The following RBPJ variants were observed in gnomAD, a reference collection of about 807,000 sequenced individuals.
RBPJ encodes recombining binding protein suppressor of hairless.
In RBPJ, 9 loss-of-function variants were observed where a neutral mutation model predicts 67.8. The ratio of observed to expected loss-of-function variants is 0.13; its 90% confidence interval spans 0.08 to 0.23. The LOEUF (loss-of-function observed/expected upper bound fraction) is 0.23, where lower values mean the gene tolerates loss of function less well. Ranked by LOEUF, RBPJ falls within the 10% of genes least tolerant of loss-of-function variation. The probability of loss-of-function intolerance (pLI) is 1.00; values close to 1 mark genes in which losing one functional copy is unlikely to be tolerated. For synonymous variants in RBPJ, 198 were observed against 203.3 expected, an observed-to-expected ratio of 0.97 and a Z score of 0.22; for missense variants, 305 against 595.6, an observed-to-expected ratio of 0.51 and a Z score of 5.08.
chr4:26,176,735 G>A (rs762650350), intron 1 of RBPJ, among the ~76,000 whole-genome samples: 5 of 152,212 alleles, frequency 3.3e-5, no homozygotes, highest in Non-Finnish European at 7.3e-5. Context: ...CATTACATTC[G>A]TTTAACACAA....
In RBPJ at chr4:26,427,432, T is replaced by G. The variant is rs945427496; in HGVS notation, c.748-1288T>G. 7.9e-5 allele frequency among the ~76,000 whole-genome samples: 12 copies of G among 152,142 alleles called. 1 individual carries two copies. The highest frequency in any genetic ancestry group is 2.9e-4 in the African/African-American group (12 of 41,426). ...ATACAAGTTGAATGCAGGAGAGAAG[T>G]CTGGAGATAATAAATTTGGGAGTTG... On this transcript the variant is annotated intron_variant, in intron 7 of 10. Transcript: ENST00000355476.
chr4:26,235,828 A>G (rs1039527244), intron 1 of RBPJ, among the ~76,000 whole-genome samples: 5 of 152,246 alleles, frequency 3.3e-5, no homozygotes, highest in Middle Eastern at 3.2e-3. Flanking sequence ...AATTCCCTTT[A>G]GGGTGAGAAT....
chr4:26,152,808 G>A, the RBPJ span, among the ~76,000 whole-genome samples: 1 of 152,238 alleles, frequency 6.6e-6, no homozygotes, highest in African/African-American at 2.4e-5. Flanking sequence ...CAACCACTGT[G>A]AGACTGTCAG....
chr4:26,218,551 C>G (rs977011553), intron 1 of RBPJ, among the ~76,000 whole-genome samples: 6 of 152,154 alleles, frequency 3.9e-5, no homozygotes, highest in African/African-American at 1.4e-4. Flanking sequence ...TCTACTGGTT[C>G]CTAGTTGGTC....
At chr4:26,378,227 A>T (rs1264308510) in intron 1 of RBPJ, among the ~76,000 whole-genome samples, 2 of 152,142 alleles carry the variant, frequency 1.3e-5, no homozygotes, top group African/African-American at 4.8e-5. Context: ...GAGAGAAGTG[A>T]TGGTGTATTC....
At chr4:26,281,455 T>G (rs1721270877) in intron 1 of RBPJ, among the ~76,000 whole-genome samples, 1 of 152,136 alleles carries the variant, frequency 6.6e-6, no homozygotes, top group African/African-American at 2.4e-5. Flanking sequence ...ATTTTTTGTA[T>G]TTTTAGTAGA....
intron 1 of RBPJ, among the ~76,000 whole-genome samples, chr4:26,253,852 T>A (rs1720202350): frequency 6.7e-6 from 1 of 148,924 alleles, no homozygotes; most frequent in African/African-American, 2.6e-5. Context: ...ATTTTTACAC[T>A]AAAATTGGGG....
At chr4:26,160,020 G>A (rs892367126), upstream of RBPJ, among the ~76,000 whole-genome samples, 7 of 151,878 alleles carry the variant, frequency 4.6e-5, no homozygotes, top group South Asian at 2.1e-4. Context: ...CCGAGTTCAC[G>A]CCATTCTCCT....
At chr4:26,372,629 C>T (rs905776823) in intron 1 of RBPJ, among the ~76,000 whole-genome samples, 2 of 152,140 alleles carry the variant, frequency 1.3e-5, no homozygotes, top group East Asian at 1.9e-4. Context: ...ATTGCCACCC[C>T]GACTCACTCT....
At chr4:26,383,573 T>C (rs1311701586) in intron 1 of RBPJ, among the ~76,000 whole-genome samples, 1 of 152,234 alleles carries the variant, frequency 6.6e-6, no homozygotes, top group African/African-American at 2.4e-5. Flanking sequence ...TAATACTGCA[T>C]ATTCACATAT....
chr4:26,210,686 C>CTTTCCTTCTTTCCTTCTTTCCTT (rs56289492), intron 1 of RBPJ, among the ~76,000 whole-genome samples: 4 of 65,396 alleles, frequency 6.1e-5, no homozygotes, highest in Admixed American at 1.6e-4. Context: ...TTCTTTCTTT[C>CTTTCCTTCTTTCCTTCTTTCCTT]CTTTCTTTCT....
intron 1 of RBPJ, among the ~76,000 whole-genome samples, chr4:26,181,676 G>A (rs2109128813): frequency 6.6e-6 from 1 of 152,260 alleles, no homozygotes; most frequent in African/African-American, 2.4e-5. Flanking sequence ...CCAGTTCCTA[G>A]GCAACAAACC....
intron 1 of RBPJ, among the ~76,000 whole-genome samples, chr4:26,206,644 C>G (rs1336061536): frequency 1.3e-5 from 2 of 151,656 alleles, no homozygotes; most frequent in Admixed American, 6.6e-5. Flanking sequence ...GTCCTTCATC[C>G]AGTCAACAAA....
At chr4:26,347,789 C>A (rs986224116) in intron 1 of RBPJ, among the ~76,000 whole-genome samples, 1 of 152,068 alleles carries the variant, frequency 6.6e-6, no homozygotes, top group East Asian at 1.9e-4. Flanking sequence ...CTGTTGCTGC[C>A]TTTTCTGTAA....
intron 1 of RBPJ, among the ~76,000 whole-genome samples, chr4:26,308,371 C>G (rs1443214937): frequency 1.3e-5 from 2 of 151,868 alleles, no homozygotes; most frequent in African/African-American, 4.8e-5. Context: ...TTGTATAAAA[C>G]AAAGTATGTA....
At chr4:26,282,924 CTT>C (rs67501530) in intron 1 of RBPJ, among the ~76,000 whole-genome samples, 21,217 of 63,214 alleles carry the variant, frequency 0.34, 916 homozygotes, top group Non-Finnish European at 0.34. Flanking sequence ...AGTGTAGATT[CTT>C]TTTTTTTTTT....
At position 26,415,587 on chromosome 4, in the gene RBPJ, A is replaced by G; in HGVS notation, c.268A>G (p.Ile90Val). The change falls in exon 4 of 11, where the codon ATT becomes GTT. Residue 90 changes from isoleucine (I) to valine (V), a missense_variant. This residue lies in a region of RBPJ where 79 missense variants were observed against 106.2 expected (regional missense o/e 0.74). Transcript: ENST00000355476. ...ACAAGAGTCTCAACCGTGTGCATTT[A>G]TTGGGATAGGAAATAGTGACCAAGA... ...SEQESQPCAF[I>V]GIGNSDQEMQ... is the part of the protein sequence containing the mutation. The G allele has an allele frequency of 6.2e-7, 1 of 1,612,218 alleles. No homozygotes were observed. The highest frequency in any genetic ancestry group is 8.5e-7 in the Non-Finnish European group (1 of 1,179,470).
chr4:26,315,194 G>GTATATATATATATATATATATATA (rs1440332911), upstream of RBPJ, among the ~76,000 whole-genome samples: 1 of 85,138 alleles, frequency 1.2e-5, no homozygotes, highest in Non-Finnish European at 2.0e-5. Context: ...ATATATATAT[G>GTATATATATATATATATATATATA]TATGTATATA....
chr4:26,377,531 G>A (rs1425485463), intron 1 of RBPJ, among the ~76,000 whole-genome samples: 2 of 152,242 alleles, frequency 1.3e-5, no homozygotes, highest in Admixed American at 6.5e-5. Context: ...TTTAAAGGCA[G>A]TTCATAAGAT....
Sources: allele counts gnomAD v4.1 joint callset (sites outside exome capture counted in the v4.1 genomes callset), GRCh38; gene constraint gnomAD v4.1.1; regional missense constraint gnomAD v4.1.1; transcripts MANE v1.5; gene names NCBI Gene and HGNC (gene_info 2026-07-23, HGNC 2026-07-21).